Variants in GALNT18 observed in about 807,000 individuals in gnomAD.
GALNT18 encodes the protein GalNAc-transferase 18.
In GALNT18, 44 loss-of-function variants were observed where a neutral mutation model predicts 69.5. The observed-to-expected ratio is 0.63, with a 90% CI of 0.50 to 0.81. The LOEUF is 0.81. Among genes scored for constraint, GALNT18 ranks in the 40% least tolerant of loss-of-function variants. The probability of loss-of-function intolerance (pLI) is 0.00; values close to 1 mark genes in which losing one functional copy is unlikely to be tolerated. For missense variants in GALNT18, 715 were observed against 810.0 expected, an observed-to-expected ratio of 0.88 and a Z score of 1.42; for synonymous variants, 364 against 318.2, an observed-to-expected ratio of 1.14 and a Z score of -1.53.
In GALNT18 at chr11:11,339,563, G is replaced by A. The variant is rs565897278; in HGVS notation, c.1278+1256C>T. 1.1e-4 allele frequency among the ~76,000 whole-genome samples: 17 copies of A among 152,268 alleles called. No individual in the cohort carries two copies. Among genetic ancestry groups the A allele is most frequent in the South Asian group, 2.1e-4 (1 of 4,822 alleles). ...CACCTACCACAGGGCTTGGCACCCC[G>A]TGCAGAATACCGTGATTCAATCCTG... On this transcript the variant is annotated intron_variant, in intron 7 of 10. Transcript: ENST00000227756. This position sits in a 1 kb window ranked among gnomAD's most constrained non-coding sequence, Gnocchi z 5.2.
At chr11:11,283,893 T>A (rs976547268) in intron 10 of GALNT18, among the ~76,000 whole-genome samples, 14 of 152,268 alleles carry the variant, frequency 9.2e-5, no homozygotes, top group African/African-American at 3.4e-4. Flanking sequence ...TTTGAATGTG[T>A]AGAATTTTGA....
intron 10 of GALNT18, among the ~76,000 whole-genome samples, chr11:11,283,794 G>A (rs1849136587): frequency 6.6e-6 from 1 of 152,106 alleles, no homozygotes; most frequent in African/African-American, 2.4e-5. Context: ...ATTAAACCTG[G>A]CAGGAGAGAA....
At chr11:11,552,160 C>T (rs1858212026) in intron 1 of GALNT18, among the ~76,000 whole-genome samples, 1 of 143,952 alleles carries the variant, frequency 6.9e-6, no homozygotes, top group South Asian at 2.1e-4. Flanking sequence ...AAGGAGAAAG[C>T]AGCCATAGGC....
chr11:11,302,265 C>T (rs1590021993), intron 9 of GALNT18, among the ~76,000 whole-genome samples: 1 of 152,132 alleles, frequency 6.6e-6, no homozygotes, highest in African/African-American at 2.4e-5. Flanking sequence ...GCAAGCTTGG[C>T]CTGGAGGTGC....
At position 11,480,140 on chromosome 11, in the gene GALNT18, A is replaced by G. The variant is rs1294748123; in HGVS notation, c.236-31204T>C. Among the ~76,000 whole-genome samples, 2 of 152,114 alleles carry G rather than the reference A, an allele frequency of 1.3e-5. No individual in the cohort carries two copies. The highest frequency in any genetic ancestry group is 3.9e-4 in the East Asian group (2 of 5,194). Reference sequence around the variant, plus strand: ...TTGAGCTTCAACTTCCTTTTATTCAATAACCTCCTATCTGAAACATCATCT... The same window carrying G: ...TTGAGCTTCAACTTCCTTTTATTCAGTAACCTCCTATCTGAAACATCATCT... On this transcript the variant is annotated intron_variant, in intron 1 of 10. Transcript: ENST00000227756. This position sits in a 1 kb window ranked among gnomAD's most constrained non-coding sequence, Gnocchi z 4.6.
rs1859152363 is a variant in GALNT18, at chr11:11,583,883, A to G, written c.235+37476T>C. 1.3e-5 allele frequency among the ~76,000 whole-genome samples: 2 copies of G among 152,146 alleles called. No homozygotes were observed. Among genetic ancestry groups the G allele is most frequent in the African/African-American group, 4.8e-5 (2 of 41,428 alleles). On this transcript the variant is annotated intron_variant, in intron 1 of 10. Coordinates refer to ENST00000227756, the MANE Select transcript of GALNT18 (RefSeq NM_198516.3). This position sits in a 1 kb window ranked among gnomAD's most constrained non-coding sequence, Gnocchi z 4.7. ...TGTCTGCAAGGAGCAGATGATCTCAATATCATTATAAGGCCCAAATAAATG... is the reference window on the plus strand; with the variant it reads ...TGTCTGCAAGGAGCAGATGATCTCAGTATCATTATAAGGCCCAAATAAATG...
intron 1 of GALNT18, among the ~76,000 whole-genome samples, chr11:11,580,036 T>C (rs954528434): frequency 6.6e-6 from 1 of 152,154 alleles, no homozygotes; most frequent in African/African-American, 2.4e-5. Flanking sequence ...CGGTGGAAAG[T>C]TCTGTATTAT....
Position 11,621,552 on chromosome 11 carries a change from G to A in GALNT18, c.42C>T (p.Cys14=), listed in dbSNP as rs1421588440. The A allele has an allele frequency of 1.9e-6, 3 of 1,613,264 alleles. No individual in the cohort carries two copies. The highest frequency in any genetic ancestry group is 1.7e-6 in the Non-Finnish European group (2 of 1,179,584). The change falls in exon 1 of 11, where the codon TGC becomes TGT. Residue 14 remains cysteine (C), a synonymous_variant. Transcript: ENST00000227756. This position sits in a 1 kb window ranked among gnomAD's most constrained non-coding sequence, Gnocchi z 9.3. ...TRKTKTLVST[C]VILSGMTNII... ...TGTTAGTCATGCCGCTCAGGATCAC[G>A]CAAGTGGACACCAAAGTTTTGGTCT...
At chr11:11,544,608 C>T (rs1386649786) in intron 1 of GALNT18, among the ~76,000 whole-genome samples, 1 of 152,188 alleles carries the variant, frequency 6.6e-6, no homozygotes, top group Non-Finnish European at 1.5e-5. Context: ...AGGTTTGTTA[C>T]ATAGGTATAC....
chr11:11,290,133 G>A (rs1050817453), intron 10 of GALNT18, among the ~76,000 whole-genome samples: 2 of 152,160 alleles, frequency 1.3e-5, no homozygotes, highest in African/African-American at 4.8e-5. Flanking sequence ...AGGACTCCTG[G>A]TGATGCCTGT....
At chr11:11,386,343 T>A (rs528693224) in intron 3 of GALNT18, among the ~76,000 whole-genome samples, 1 of 152,230 alleles carries the variant, frequency 6.6e-6, no homozygotes, top group East Asian at 1.9e-4. Context: ...CACTCCCTCA[T>A]CAGTTTTCTA....
Position 11,415,473 on chromosome 11 carries a change from G to A in GALNT18, c.595+17148C>T, listed in dbSNP as rs575557349. Among the ~76,000 whole-genome samples the A allele has an allele frequency of 6.6e-6, 1 of 152,032 alleles. No homozygotes were observed. Among genetic ancestry groups the A allele is most frequent in the Admixed American group, 6.6e-5 (1 of 15,262 alleles). On this transcript the variant is annotated intron_variant, in intron 3 of 10. Coordinates refer to ENST00000227756, the MANE Select transcript of GALNT18 (RefSeq NM_198516.3). The surrounding 1 kb of genome is among the most constrained non-coding windows in gnomAD (Gnocchi z 4.1). ...CCAAGTTCATGTGAGTCTGTCTCTA[G>A]GTACAAGGCAGTTAAAGAAATACAT...
intron 10 of GALNT18, among the ~76,000 whole-genome samples, chr11:11,280,098 CAAAT>C (rs1412104739): frequency 6.6e-6 from 1 of 152,072 alleles, no homozygotes; most frequent in Non-Finnish European, 1.5e-5. Flanking sequence ...AGCATTCACA[CAAAT>C]AAAGCAAGAT....
chr11:11,365,262 C>T (rs1467008189), intron 6 of GALNT18, among the ~76,000 whole-genome samples: 1 of 152,066 alleles, frequency 6.6e-6, no homozygotes, highest in Non-Finnish European at 1.5e-5. Context: ...TTTTCTGTTC[C>T]TGTGTTAGTT....
rs142861435 is a variant in GALNT18 at position 11,304,490 on chromosome 11, T to C, written c.1513-11297A>G. The stretch of plus-strand genomic sequence containing the variant: ...CTGTGTCTGCTTGTCTGCTATAAGC[T>C]GTGCCTACTCAATCACAAACAGCAA... On this transcript the variant is annotated intron_variant, in intron 9 of 10. Transcript: ENST00000227756. Among the ~76,000 whole-genome samples the C allele has an allele frequency of 7.8e-3, 1,189 of 152,350 alleles. 10 individuals are homozygous for C. The highest frequency in any genetic ancestry group is 0.029 in the East Asian group (150 of 5,190).
intron 5 of GALNT18, among the ~76,000 whole-genome samples, chr11:11,375,275 A>C (rs1023894596): frequency 2.0e-5 from 3 of 152,218 alleles, no homozygotes; most frequent in Admixed American, 6.5e-5. Context: ...TCTTCCAAAA[A>C]TCTTCCATAG....
chr11:11,445,340 T>G (rs1855625170), intron 2 of GALNT18, among the ~76,000 whole-genome samples: 1 of 152,218 alleles, frequency 6.6e-6, no homozygotes, highest in African/African-American at 2.4e-5. Context: ...CTGTGAAGAC[T>G]CAAGGAGTTC....
chr11:11,479,712 C>G (rs1296718612), intron 1 of GALNT18, among the ~76,000 whole-genome samples: 2 of 152,160 alleles, frequency 1.3e-5, no homozygotes, highest in Non-Finnish European at 2.9e-5. Flanking sequence ...GCAAAGCTGA[C>G]CTGTGCCCCA....
At chr11:11,292,947 T>TCCACCACCTCCC (rs1379797754) in intron 10 of GALNT18, 82 bp downstream of exon 10, 1 of 1,265,002 alleles carries the variant, frequency 7.9e-7, no homozygotes, top group African/African-American at 1.5e-5. Context: ...TCCCCTCTCC[T>TCCACCACCTCCC]CCACCACCTC....
Sources: allele counts gnomAD v4.1 joint callset (sites outside exome capture counted in the v4.1 genomes callset), GRCh38; gene constraint gnomAD v4.1.1; non-coding constraint Gnocchi (gnomAD v3.1); transcripts MANE v1.5; gene names NCBI Gene and HGNC (gene_info 2026-07-23, HGNC 2026-07-21).